Variants in CYB5R4 observed in about 807,000 individuals in gnomAD.
The protein encoded by CYB5R4 is N-terminal cytochrome b5 and cytochrome b5 oxidoreductase domain-containing protein.
CYB5R4 carries 55 observed loss-of-function variants against 70.2 expected under a neutral mutation model. That is an observed-to-expected ratio of 0.78 (90% CI 0.63 to 0.98). The LOEUF (loss-of-function observed/expected upper bound fraction) is 0.98. Ranked by LOEUF, CYB5R4 falls within the 50% of genes least tolerant of loss-of-function variation. CYB5R4 has a pLI of 0.00. For synonymous variants in CYB5R4, 197 were observed against 199.5 expected, an observed-to-expected ratio of 0.99 and a Z score of 0.11; for missense variants, 562 against 612.6, an observed-to-expected ratio of 0.92 and a Z score of 0.87.
intron 14 of CYB5R4, among the ~76,000 whole-genome samples, chr6:83,943,849 A>G (rs778619269): frequency 6.6e-6 from 1 of 152,006 alleles, no homozygotes; most frequent in Non-Finnish European, 1.5e-5. Context: ...AAGCGGAAGA[A>G]AGGATATCAG....
chr6:83,934,701 TG>T lies in CYB5R4; in HGVS notation c.924del (p.Gln309AsnfsTer14), dbSNP rs2099468656. ...PPSTHLQVPI[G>X]QHVYLKLPIT... is the part of the protein sequence containing the mutation. ...CAAGCACTCATCTTCAAGTGCCCATTGGGCAACATGTTTACCTCAAGCTACC... is the reference window on the plus strand; with the variant it reads ...CAAGCACTCATCTTCAAGTGCCCATTGGCAACATGTTTACCTCAAGCTACC... On this transcript the variant is annotated frameshift_variant, in exon 11 of 16. Coordinates refer to ENST00000369681, the MANE Select transcript of CYB5R4 (RefSeq NM_016230.4). LOFTEE classifies it high-confidence loss of function. 6.2e-7 allele frequency: 1 copy of T among 1,613,658 alleles called. No individual in the cohort carries two copies. The highest frequency in any genetic ancestry group is 8.5e-7 in the Non-Finnish European group (1 of 1,179,764).
chr6:83,952,147 A>G (rs1413566121), intron 14 of CYB5R4, among the ~76,000 whole-genome samples: 1 of 152,182 alleles, frequency 6.6e-6, no homozygotes, highest in East Asian at 1.9e-4. Context: ...TCTAAGCAGC[A>G]TGGAAATGGG....
At chr6:83,910,829 A>G (rs1450790575) in intron 4 of CYB5R4, among the ~76,000 whole-genome samples, 1 of 152,232 alleles carries the variant, frequency 6.6e-6, no homozygotes, top group Non-Finnish European at 1.5e-5. Context: ...CTGTGATTAA[A>G]TGAATAATGG....
intron 10 of CYB5R4, among the ~76,000 whole-genome samples, chr6:83,932,382 T>TA (rs1193225689): frequency 4.7e-4 from 72 of 152,336 alleles, no homozygotes; most frequent in African/African-American, 1.6e-3. Context: ...GTTGCATAGT[T>TA]ACTATAGCAA....
At chr6:83,940,475 A>G in intron 13 of CYB5R4, 40 bp from the exon 14 acceptor site, 1 of 1,508,084 alleles carries the variant, frequency 6.6e-7, no homozygotes, top group African/African-American at 1.5e-5. Context: ...TTTTAAATGT[A>G]ATTAATTAGT....
intron 2 of CYB5R4, among the ~76,000 whole-genome samples, chr6:83,884,678 G>A (rs1054826907): frequency 6.6e-6 from 1 of 152,048 alleles, no homozygotes; most frequent in Admixed American, 6.5e-5. Context: ...TGTAACAATC[G>A]ACCTGTGCAT....
At chr6:83,876,863 C>G (rs1460187255) in intron 2 of CYB5R4, among the ~76,000 whole-genome samples, 1 of 151,838 alleles carries the variant, frequency 6.6e-6, no homozygotes, top group Non-Finnish European at 1.5e-5. Context: ...CAGACAGAGT[C>G]TTGCTCTGTC....
chr6:83,860,451 C>G (rs1224784315), intron 1 of CYB5R4, among the ~76,000 whole-genome samples: 1 of 152,108 alleles, frequency 6.6e-6, no homozygotes, highest in Non-Finnish European at 1.5e-5. Context: ...TTGCTAACTT[C>G]GAAGCAAATA....
intron 2 of CYB5R4, among the ~76,000 whole-genome samples, chr6:83,876,573 T>C (rs922419639): frequency 6.6e-5 from 10 of 151,642 alleles, no homozygotes; most frequent in African/African-American, 1.9e-4. Context: ...TCAAATAATA[T>C]ACTATTTCAC....
Position 83,948,834 on chromosome 6 carries a change from CT to C in CYB5R4, c.1347-6455del, listed in dbSNP as rs991338428. Among the ~76,000 whole-genome samples the C allele has an allele frequency of 5.3e-5, 8 of 150,842 alleles. No individual in the cohort carries two copies. In the East Asian group the frequency reaches 1.4e-3, roughly 26 times the overall value. On this transcript the variant is annotated intron_variant, in intron 14 of 15. Coordinates refer to ENST00000369681, the MANE Select transcript of CYB5R4 (RefSeq NM_016230.4). The stretch of plus-strand genomic sequence containing the variant: ...GAGTTTTGAGGATGAGGAAAGGCCC[CT>C]TTTTTTTTCATGTCTGGATGCCTGG...
intron 3 of CYB5R4, among the ~76,000 whole-genome samples, chr6:83,906,034 G>T (rs1005397255): frequency 5.3e-5 from 8 of 152,138 alleles, no homozygotes; most frequent in African/African-American, 1.7e-4. Flanking sequence ...TAGGCAGAGG[G>T]GGGTGAGGCC....
chr6:83,862,915 C>G (rs1163002490), intron 1 of CYB5R4, among the ~76,000 whole-genome samples: 1 of 152,134 alleles, frequency 6.6e-6, no homozygotes, highest in Admixed American at 6.5e-5. Context: ...TGAAAGGCAC[C>G]ACAGACCTAT....
intron 10 of CYB5R4, among the ~76,000 whole-genome samples, chr6:83,928,259 C>T (rs1349340007): frequency 6.6e-6 from 1 of 152,026 alleles, no homozygotes; most frequent in Non-Finnish European, 1.5e-5. Flanking sequence ...GTTTCAGGCA[C>T]TGGAATGAAA....
At chr6:83,944,978 A>G (rs1406211852) in intron 14 of CYB5R4, among the ~76,000 whole-genome samples, 2 of 152,160 alleles carry the variant, frequency 1.3e-5, no homozygotes, top group East Asian at 1.9e-4. Flanking sequence ...TAATAGTGGG[A>G]GACTTTAACA....
Position 83,966,120 on chromosome 6 carries a change from T to C in CYB5R4, c.*6242T>C, listed in dbSNP as rs2099474013. ...AGTAATTAAGTGGCTGTTCAGGGGA[T>C]ACAGGAATAGGGGATAATAACTAAA... is the stretch of plus-strand genomic sequence containing the variant. On this transcript the variant is annotated 3_prime_UTR_variant, in exon 16 of 16. Transcript: ENST00000369681. The C allele has an allele frequency of 6.6e-6, 1 of 152,176 alleles. No homozygotes were observed. Among genetic ancestry groups the C allele is most frequent in the African/African-American group, 2.4e-5 (1 of 41,436 alleles). 9.4% of individuals were successfully genotyped at this position (152,176 alleles called of 1,614,324 possible).
rs922081974 is a variant in CYB5R4 at position 83,965,305 on chromosome 6, A to G, written c.*5427A>G. ...GCTGTACCCTGAAAGCCACAGGGCC[A>G]GAGCTGCCCAAGACCATGGGAAGCC... is the stretch of plus-strand genomic sequence containing the variant. On this transcript the variant is annotated 3_prime_UTR_variant, in exon 16 of 16. Coordinates refer to ENST00000369681, the MANE Select transcript of CYB5R4 (RefSeq NM_016230.4). 1 of 152,314 alleles carries G rather than the reference A, an allele frequency of 6.6e-6. No individual in the cohort carries two copies. The highest frequency in any genetic ancestry group is 1.5e-5 in the Non-Finnish European group (1 of 68,100). 9.4% of individuals were successfully genotyped at this position (152,314 alleles called of 1,614,324 possible). A position where few individuals can be genotyped will look rare whatever the true frequency, so the allele number is the denominator to read the frequency against.
rs552961929 is a variant in CYB5R4 at position 83,881,318 on chromosome 6, G to T, written c.230-12204G>T. Among the ~76,000 whole-genome samples the T allele has an allele frequency of 2.0e-5, 3 of 152,138 alleles. No individual in the cohort carries two copies. In the East Asian group the frequency reaches 5.8e-4, roughly 29 times the overall value. ...GCCTCCTGAGTAGCTGGGACTACAG[G>T]TGCATGTTACCATACCTGGCTAATT... On this transcript the variant is annotated intron_variant, in intron 2 of 15. Coordinates refer to ENST00000369681, the MANE Select transcript of CYB5R4 (RefSeq NM_016230.4).
chr6:83,879,675 C>T (rs1046564897), intron 2 of CYB5R4, among the ~76,000 whole-genome samples: 1 of 152,136 alleles, frequency 6.6e-6, no homozygotes, highest in African/African-American at 2.4e-5. Context: ...GCAGATATTA[C>T]ACAGCTGTGC....
At chr6:83,898,847 G>A (rs2129135316) in intron 3 of CYB5R4, among the ~76,000 whole-genome samples, 1 of 152,280 alleles carries the variant, frequency 6.6e-6, no homozygotes, top group East Asian at 1.9e-4. Context: ...TTGCTTATCA[G>A]CTTAAGGAGA....
Sources: gnomAD v4.1 joint callset for allele counts (sites outside exome capture counted in the v4.1 genomes callset) on GRCh38, gnomAD v4.1.1 for gene constraint, MANE v1.5 for transcripts, NCBI Gene and HGNC (gene_info 2026-07-23, HGNC 2026-07-21) for gene names.